Variants in VMP1 observed in about 807,000 individuals in gnomAD.
The protein encoded by VMP1 is ectopic P-granules autophagy protein 3 homolog.
Under a neutral mutation model 56.0 loss-of-function variants are expected in VMP1, and 11 were observed. The ratio of observed to expected loss-of-function variants is 0.20; its 90% CI spans 0.12 to 0.32. The LOEUF (loss-of-function observed/expected upper bound fraction) is 0.32, where lower values mean the gene tolerates loss of function less well. VMP1 is among the 10% of genes least tolerant of loss of function. The pLI, the probability that VMP1 is intolerant of heterozygous loss-of-function variation, is 1.00. For missense variants in VMP1, 296 were observed against 490.3 expected (o/e 0.60, Z 3.74); for synonymous variants, 149 against 165.0 (o/e 0.90, Z 0.74).
chr17:59,823,459 A>T (rs2038523595), intron 10 of VMP1, among the ~76,000 whole-genome samples: 1 of 150,702 alleles, frequency 6.6e-6, no homozygotes, highest in Admixed American at 6.6e-5. Context: ...AAAAAAAAAA[A>T]AAAAATCGGG....
chr17:59,817,361 T>C (rs1465143248), intron 9 of VMP1, among the ~76,000 whole-genome samples: 1 of 151,604 alleles, frequency 6.6e-6, no homozygotes, highest in Non-Finnish European at 1.5e-5. Context: ...TATTTTATTT[T>C]ATTTTTGATA....
At chr17:59,823,566 G>A (rs1253004419) in intron 10 of VMP1, among the ~76,000 whole-genome samples, 1 of 151,670 alleles carries the variant, frequency 6.6e-6, no homozygotes, top group African/African-American at 2.4e-5. Context: ...TGGCTAACAT[G>A]GTGAAACCCA....
At chr17:59,775,929 G>T (rs1025782106) in intron 7 of VMP1, among the ~76,000 whole-genome samples, 9 of 152,114 alleles carry the variant, frequency 5.9e-5, no homozygotes, top group African/African-American at 4.8e-5. Flanking sequence ...CCATCTTCAA[G>T]TCAGATAGGC....
At chr17:59,731,579 A>G (rs2143802422) in intron 2 of VMP1, 57 bp downstream of exon 2, 1 of 1,273,864 alleles carries the variant, frequency 7.9e-7, no homozygotes, top group Non-Finnish European at 1.1e-6. Context: ...TATACTTTTC[A>G]TTGGAATAAA....
At chr17:59,839,516 C>CT in intron 11 of VMP1, 1 of 431,604 alleles carries the variant, frequency 2.3e-6, no homozygotes, top group Admixed American at 4.2e-5. Context: ...AGTAGAAGAG[C>CT]TAACCTCACA....
intron 1 of VMP1, 46 bp from the exon 2 acceptor site, chr17:59,731,375 A>G: frequency 8.4e-7 from 1 of 1,194,820 alleles, no homozygotes; most frequent in East Asian, 2.6e-5. Flanking sequence ...ACAGCTACAC[A>G]GCAGAAGTTT....
rs375436004 is a variant in VMP1, at chr17:59,759,306, G to A, written c.415-5665G>A. Reference sequence around the variant, plus strand: ...GGAGAATTGCTTGAACCCCAGAGGCGAAGGTTGCAGTGAGCCAGGATCGTG... The same window carrying A: ...GGAGAATTGCTTGAACCCCAGAGGCAAAGGTTGCAGTGAGCCAGGATCGTG... On this transcript the variant is annotated intron_variant, in intron 5 of 11. Coordinates refer to ENST00000262291, the MANE Select transcript of VMP1 (RefSeq NM_030938.5). 1.2e-4 allele frequency among the ~76,000 whole-genome samples: 18 copies of A among 152,158 alleles called. No homozygotes were observed. In the South Asian group the frequency reaches 2.3e-3, roughly 19 times the overall value.
At chr17:59,742,262 C>A (rs2035252976) in intron 5 of VMP1, among the ~76,000 whole-genome samples, 1 of 152,082 alleles carries the variant, frequency 6.6e-6, no homozygotes, top group South Asian at 2.1e-4. Context: ...GCTCCCAGTG[C>A]TTTGGGAGGC....
chr17:59,782,007 C>T (rs1392472955), intron 7 of VMP1, among the ~76,000 whole-genome samples: 1 of 152,078 alleles, frequency 6.6e-6, no homozygotes, highest in African/African-American at 2.4e-5. Context: ...CTCCCGGGTT[C>T]AAGTGGTTCT....
At chr17:59,836,760 A>G (rs2038995787) in intron 10 of VMP1, among the ~76,000 whole-genome samples, 1 of 151,302 alleles carries the variant, frequency 6.6e-6, no homozygotes, top group South Asian at 2.1e-4. Context: ...AAAGGAATCA[A>G]TTAAGTATTT....
At chr17:59,720,973 CAA>C (rs775555698) in intron 1 of VMP1, among the ~76,000 whole-genome samples, 1 of 140,648 alleles carries the variant, frequency 7.1e-6, no homozygotes, top group Non-Finnish European at 1.6e-5. Flanking sequence ...AACTCCATCT[CAA>C]AAAAAAAAAA....
intron 10 of VMP1, among the ~76,000 whole-genome samples, chr17:59,836,863 C>A (rs1218421601): frequency 6.6e-6 from 1 of 151,908 alleles, no homozygotes; most frequent in Non-Finnish European, 1.5e-5. Flanking sequence ...AAAAACTCTT[C>A]TATTCCTGCT....
intron 7 of VMP1, among the ~76,000 whole-genome samples, chr17:59,788,272 A>G (rs1353555111): frequency 2.1e-5 from 3 of 145,536 alleles, no homozygotes; most frequent in Admixed American, 6.9e-5. Flanking sequence ...ACGGATCACA[A>G]AGTCAGGAGC....
chr17:59,716,466 G>T (rs891173265), intron 1 of VMP1, among the ~76,000 whole-genome samples: 3 of 152,146 alleles, frequency 2.0e-5, no homozygotes, highest in South Asian at 4.1e-4. Context: ...CATCTTGTGT[G>T]TATATGTGAC....
intron 10 of VMP1, among the ~76,000 whole-genome samples, chr17:59,835,189 C>T (rs571712415): frequency 1.1e-4 from 17 of 151,308 alleles, no homozygotes; most frequent in Non-Finnish European, 1.9e-4. Flanking sequence ...AGTGCAATGG[C>T]GTGGTCTCAG....
rs1321012055 is a variant in VMP1 at position 59,825,189 on chromosome 17, C to T, written c.974+7416C>T. Among the ~76,000 whole-genome samples the T allele has an allele frequency of 4.9e-5, 7 of 142,660 alleles. No individual in the cohort carries two copies. In the Admixed American group the frequency reaches 5.4e-4, roughly 11 times the overall value. 93.6% of individuals were successfully genotyped at this position (142,660 alleles called of 152,430 possible). ...GCAACCTCTGCCTCCTGTGTTCAAGCGATTCTCCCGAGTAGCTGGGATTAC... is the reference window on the plus strand; with the variant it reads ...GCAACCTCTGCCTCCTGTGTTCAAGTGATTCTCCCGAGTAGCTGGGATTAC... On this transcript the variant is annotated intron_variant, in intron 10 of 11. Coordinates refer to ENST00000262291, the MANE Select transcript of VMP1 (RefSeq NM_030938.5).
intron 5 of VMP1, among the ~76,000 whole-genome samples, chr17:59,744,960 G>A (rs2035370700): frequency 6.6e-6 from 1 of 152,098 alleles, no homozygotes; most frequent in Non-Finnish European, 1.5e-5. Context: ...TGGTTGGGGT[G>A]GAAATCAGTT....
chr17:59,731,420 G>A lies in VMP1; in HGVS notation c.-26-1G>A. On this transcript the variant is annotated splice_acceptor_variant, in intron 1 of 11. Coordinates refer to ENST00000262291, the MANE Select transcript of VMP1 (RefSeq NM_030938.5). LOFTEE classifies it low-confidence loss of function (5UTR_SPLICE). ...TGCTGGATTTTATTTTGCTGTATTA[G>A]CTCCTCAAGAGTTACTGATCTATGA... The A allele has an allele frequency of 1.3e-6, 2 of 1,574,248 alleles. No individual in the cohort carries two copies. Among genetic ancestry groups the A allele is most frequent in the Non-Finnish European group, 1.7e-6 (2 of 1,159,746 alleles).
chr17:59,737,961 G>T (rs2035078725), intron 4 of VMP1, among the ~76,000 whole-genome samples: 1 of 151,964 alleles, frequency 6.6e-6, no homozygotes, highest in African/African-American at 2.4e-5. Context: ...TTGTAGAGAT[G>T]GGGTTTTGCC....
Sources: allele counts gnomAD v4.1 joint callset (sites outside exome capture counted in the v4.1 genomes callset), GRCh38; gene constraint gnomAD v4.1.1; transcripts MANE v1.5; gene names NCBI Gene and HGNC (gene_info 2026-07-23, HGNC 2026-07-21).